Variants in DAB1 observed in about 807,000 individuals in gnomAD.
DAB1 encodes DAB adaptor protein 1, also known as disabled homolog 1.
Under a neutral mutation model 64.6 loss-of-function variants are expected in DAB1, and 15 were observed. The observed-to-expected ratio is 0.23, with a 90% confidence interval of 0.16 to 0.36. The LOEUF (loss-of-function observed/expected upper bound fraction) is 0.36, where lower values mean the gene tolerates loss of function less well. Ranked by LOEUF, DAB1 falls within the 10% of genes least tolerant of loss-of-function variation. The pLI is 1.00. For missense variants in DAB1, 596 were observed against 706.7 expected, an observed-to-expected ratio of 0.84 and a Z score of 1.78; for synonymous variants, 235 against 251.9, an observed-to-expected ratio of 0.93 and a Z score of 0.64.
intron 5 of DAB1, among the ~76,000 whole-genome samples, chr1:57,908,303 T>A (rs1046844666): frequency 2.0e-5 from 3 of 152,054 alleles, no homozygotes; most frequent in Non-Finnish European, 2.9e-5. Flanking sequence ...GAGTTACTCA[T>A]CCTTGTGCCC....
intron 4 of DAB1, among the ~76,000 whole-genome samples, chr1:57,089,549 AG>A (rs1458745531): frequency 6.6e-6 from 1 of 151,556 alleles, no homozygotes; most frequent in Non-Finnish European, 1.5e-5. Flanking sequence ...TGGCCAGAGC[AG>A]GGGCATGAGA....
At chr1:58,441,928 C>T (rs1035587691) in intron 3 of DAB1, among the ~76,000 whole-genome samples, 9 of 152,148 alleles carry the variant, frequency 5.9e-5, no homozygotes, top group African/African-American at 2.2e-4. Flanking sequence ...CATCCTGTCA[C>T]ACGAAAGAGA....
At chr1:58,503,301 C>T (rs1300790964) in intron 3 of DAB1, among the ~76,000 whole-genome samples, 1 of 152,124 alleles carries the variant, frequency 6.6e-6, no homozygotes, top group Non-Finnish European at 1.5e-5. Context: ...GCACAAAGGA[C>T]CCTCTTATAG....
chr1:58,241,814 T>C (rs1267952301), intron 4 of DAB1, among the ~76,000 whole-genome samples: 1 of 152,072 alleles, frequency 6.6e-6, no homozygotes, highest in Non-Finnish European at 1.5e-5. Context: ...AAGAGAATGA[T>C]AATACATGTT....
At chr1:58,168,579 C>A (rs1655990894) in intron 4 of DAB1, among the ~76,000 whole-genome samples, 1 of 152,202 alleles carries the variant, frequency 6.6e-6, no homozygotes, top group Middle Eastern at 3.4e-3. Context: ...TACACGGGCT[C>A]ACCAAGCAGA....
intron 1 of DAB1, among the ~76,000 whole-genome samples, chr1:58,544,782 C>T (rs1646675000): frequency 6.6e-6 from 1 of 152,120 alleles, no homozygotes; most frequent in African/African-American, 2.4e-5. Context: ...TTAGTAGAGA[C>T]GGGGTTTCGG....
intron 1 of DAB1, among the ~76,000 whole-genome samples, chr1:57,848,035 T>C (rs1653364045): frequency 6.6e-6 from 1 of 152,204 alleles, no homozygotes. Context: ...AGTTGCACTG[T>C]CACTGTAAGA....
At chr1:57,192,883 AT>A (rs1163587995) in intron 2 of DAB1, among the ~76,000 whole-genome samples, 5 of 152,204 alleles carry the variant, frequency 3.3e-5, no homozygotes, top group Admixed American at 3.3e-4. Context: ...TACAACCACC[AT>A]TGCAATCTAA....
At chr1:57,182,078 G>T (rs980093511) in intron 2 of DAB1, among the ~76,000 whole-genome samples, 12 of 152,040 alleles carry the variant, frequency 7.9e-5, no homozygotes, top group African/African-American at 2.4e-4. Flanking sequence ...ATAGAGACGG[G>T]GTTTCACCGT....
intron 2 of DAB1, among the ~76,000 whole-genome samples, chr1:57,211,773 A>G (rs899356479): frequency 6.6e-6 from 1 of 152,242 alleles, no homozygotes; most frequent in Non-Finnish European, 1.5e-5. Flanking sequence ...AAACAATAAC[A>G]ATAATGCAAA....
chr1:57,921,895 C>T (rs958805218), intron 5 of DAB1, among the ~76,000 whole-genome samples: 1 of 152,182 alleles, frequency 6.6e-6, no homozygotes, highest in Admixed American at 6.5e-5. Context: ...CCTAACTTCT[C>T]CCTTCTTGAT....
intron 3 of DAB1, among the ~76,000 whole-genome samples, chr1:58,485,881 A>G (rs1645568656): frequency 6.6e-6 from 1 of 152,212 alleles, no homozygotes; most frequent in South Asian, 2.1e-4. Flanking sequence ...CATTATGATA[A>G]ATGTCATAGA....
At chr1:57,489,990 G>A (rs1354330174) in intron 7 of DAB1, among the ~76,000 whole-genome samples, 1 of 152,112 alleles carries the variant, frequency 6.6e-6, no homozygotes, top group Non-Finnish European at 1.5e-5. Flanking sequence ...CTTATGAATG[G>A]GATGATTGCC....
intron 7 of DAB1, among the ~76,000 whole-genome samples, chr1:57,623,488 G>A (rs1035604812): frequency 3.9e-5 from 6 of 152,106 alleles, no homozygotes; most frequent in Non-Finnish European, 7.4e-5. Flanking sequence ...AGCTACTTTC[G>A]AAGCTGCAGG....
intron 6 of DAB1, among the ~76,000 whole-genome samples, chr1:57,812,224 A>G (rs1651657137): frequency 6.6e-6 from 1 of 151,386 alleles, no homozygotes. Context: ...TCCAGAGGGA[A>G]GAGTCCATGG....
At chr1:57,939,750 A>G (rs910125372) in intron 5 of DAB1, among the ~76,000 whole-genome samples, 5 of 152,172 alleles carry the variant, frequency 3.3e-5, no homozygotes, top group Non-Finnish European at 7.3e-5. Context: ...CCTTTTACAG[A>G]TGCAGAAAGT....
At chr1:57,260,481 G>A (rs539941986) in intron 2 of DAB1, among the ~76,000 whole-genome samples, 7 of 152,232 alleles carry the variant, frequency 4.6e-5, no homozygotes, top group African/African-American at 1.7e-4. Context: ...ATCCAGCAGT[G>A]AAACATAGAG....
At chr1:57,256,467 T>C (rs903070041) in intron 2 of DAB1, among the ~76,000 whole-genome samples, 5 of 152,140 alleles carry the variant, frequency 3.3e-5, no homozygotes, top group Non-Finnish European at 7.4e-5. Flanking sequence ...GCTCCACCTC[T>C]CTGGTCTTCA....
chr1:57,754,558 C>A (rs182160841), intron 6 of DAB1, among the ~76,000 whole-genome samples: 1 of 151,666 alleles, frequency 6.6e-6, no homozygotes, highest in Non-Finnish European at 1.5e-5. Flanking sequence ...TGGTGGCATG[C>A]GCCTGTGATC....
Sources: gnomAD v4.1 joint callset for allele counts (sites outside exome capture counted in the v4.1 genomes callset) on GRCh38, gnomAD v4.1.1 for gene constraint, MANE v1.5 for transcripts, NCBI Gene and HGNC (gene_info 2026-07-23, HGNC 2026-07-21) for gene names.